DSG1: variants seen among roughly 807,000 people sequenced by gnomAD.
DSG1 encodes desmoglein-1.
A neutral mutation model predicts 97.5 loss-of-function variants in DSG1; 39 were observed. The observed-to-expected ratio is 0.40, with a 90% CI of 0.31 to 0.52. The LOEUF (loss-of-function observed/expected upper bound fraction) is 0.52, where lower values mean the gene tolerates loss of function less well. DSG1 is among the 20% of genes least tolerant of loss of function. The pLI is 0.53. For missense variants in DSG1, 1,311 were observed against 1,295.4 expected (o/e 1.01, Z -0.18); for synonymous variants, 475 against 443.4 (o/e 1.07, Z -0.90).
chr18:31,320,121 A>G (rs545148863), intron 1 of DSG1, among the ~76,000 whole-genome samples: 1 of 152,130 alleles, frequency 6.6e-6, no homozygotes, highest in African/African-American at 2.4e-5. Context: ...ATTTATTTTA[A>G]GTACAGATTT....
chr18:31,355,249 C>T lies in DSG1; in HGVS notation c.3053C>T (p.Ser1018Phe). ...GCCAGCATTGGCCACATGAGGAGTT[C>T]CTCTGACCATCACTTTAACCAAACC... Reference protein sequence around the residue: ...GTASIGHMRSSSDHHFNQTIG... With the variant: ...GTASIGHMRSFSDHHFNQTIG... Residue 1018 changes from serine to phenylalanine, a missense_variant, in exon 15 of 15, where the codon TCC becomes TTC. This residue lies in a region of DSG1 where 1,038 missense variants were observed against 964.6 expected (regional missense o/e 1.08). Transcript: ENST00000257192. 1 of 1,611,390 alleles carries T rather than the reference C, an allele frequency of 6.2e-7. No individual in the cohort carries two copies. Among genetic ancestry groups the T allele is most frequent in the Non-Finnish European group, 8.5e-7 (1 of 1,178,184 alleles).
Position 31,354,993 on chromosome 18 carries a change from A to G in DSG1, c.2797A>G (p.Met933Val). Residue 933 changes from methionine to valine, a missense_variant, in exon 15 of 15, where the codon ATG becomes GTG. Transcript: ENST00000257192. ...AAGAGTAATCCAACCAACTTCCGGCATGATAGGTAGTCTGAGTATGCACCC... is the reference window on the plus strand; with the variant it reads ...AAGAGTAATCCAACCAACTTCCGGCGTGATAGGTAGTCTGAGTATGCACCC... Reference protein sequence around the residue: ...TERVIQPTSGMIGSLSMHPEL... With the variant: ...TERVIQPTSGVIGSLSMHPEL... 6.2e-7 allele frequency: 1 copy of G among 1,614,228 alleles called. No homozygotes were observed. Among genetic ancestry groups the G allele is most frequent in the Non-Finnish European group, 8.5e-7 (1 of 1,180,036 alleles).
chr18:31,321,696 G>C (rs1169352010), intron 1 of DSG1, among the ~76,000 whole-genome samples: 9 of 152,142 alleles, frequency 5.9e-5, no homozygotes, highest in African/African-American at 2.2e-4. Context: ...AGAAACTAAA[G>C]CACTGAAGAA....
chr18:31,328,333 C>T lies in DSG1; in HGVS notation c.361C>T (p.Pro121Ser). 1 of 1,612,868 alleles carries T rather than the reference C, an allele frequency of 6.2e-7. No homozygotes were observed. Among genetic ancestry groups the T allele is most frequent in the South Asian group, 1.1e-5 (1 of 91,050 alleles). ...ATCCATAGTTGATCGAGAGGTCACT[C>T]CTTTCTTCATTGTAAGTGGACTTCA... is the stretch of plus-strand genomic sequence containing the variant. ...ITSIVDREVT[P>S]FFIIYCRALN... is the part of the protein sequence containing the mutation. The change falls in exon 4 of 15, where the codon CCT becomes TCT. Residue 121 changes from proline to serine, a missense_variant. Pro to Ser is a moderately conservative substitution (Grantham distance 74). Transcript: ENST00000257192.
chr18:31,343,602 G>C lies in DSG1; in HGVS notation c.1821+19G>C. 1 of 1,614,094 alleles carries C rather than the reference G, an allele frequency of 6.2e-7. No individual in the cohort carries two copies. Among genetic ancestry groups the C allele is most frequent in the Non-Finnish European group, 8.5e-7 (1 of 1,179,994 alleles). On this transcript the variant is annotated intron_variant, in intron 12 of 14. Transcript: ENST00000257192. ...ACCCAGGGTAAGTGCCACATTCTAA[G>C]AAATAGCCGTTGGTAGTCACTGAAA...
chr18:31,348,623 A>G (rs2071864951), intron 14 of DSG1, among the ~76,000 whole-genome samples: 1 of 151,530 alleles, frequency 6.6e-6, no homozygotes, highest in Non-Finnish European at 1.5e-5. Flanking sequence ...CGTCCTCCCC[A>G]GCACCTGTTG....
At chr18:31,327,643 C>A (rs187549967) in intron 3 of DSG1, among the ~76,000 whole-genome samples, 16 of 152,252 alleles carry the variant, frequency 1.1e-4, no homozygotes, top group African/African-American at 3.6e-4. Flanking sequence ...CATTTATTCG[C>A]GTGGTCTCCT....
At chr18:31,320,687 C>G (rs567983307) in intron 1 of DSG1, among the ~76,000 whole-genome samples, 4 of 152,292 alleles carry the variant, frequency 2.6e-5, no homozygotes, top group African/African-American at 9.6e-5. Flanking sequence ...TTTCATTCTT[C>G]TTTTTGTTTC....
In DSG1 at chr18:31,339,679, G is replaced by T; in HGVS notation, c.1406-65G>T. The T allele has an allele frequency of 4.8e-6, 6 of 1,261,324 alleles. No individual in the cohort carries two copies. In the Middle Eastern group the frequency reaches 8.2e-4, roughly 172 times the overall value. 78.1% of individuals were successfully genotyped at this position (1,261,324 alleles called of 1,614,324 possible). On this transcript the variant is annotated intron_variant, in intron 10 of 14. Coordinates refer to ENST00000257192, the MANE Select transcript of DSG1 (RefSeq NM_001942.4). Reference sequence around the variant, plus strand: ...AAATGTTAATGTAAAAAATAATTCTGTGTTGTCCAACCATTCCTACACTAA... The same window carrying T: ...AAATGTTAATGTAAAAAATAATTCTTTGTTGTCCAACCATTCCTACACTAA...
intron 1 of DSG1, among the ~76,000 whole-genome samples, chr18:31,318,687 C>T (rs975022905): frequency 6.6e-6 from 1 of 151,378 alleles, no homozygotes; most frequent in South Asian, 2.1e-4. Flanking sequence ...GGCTTTTAAA[C>T]TAAATATCAC....
chr18:31,340,827 A>G (rs932503335), intron 11 of DSG1, among the ~76,000 whole-genome samples: 1 of 152,250 alleles, frequency 6.6e-6, no homozygotes, highest in African/African-American at 2.4e-5. Context: ...TTTTATTTAT[A>G]CTAACACTGC....
rs1353010598 is a variant in DSG1, at chr18:31,343,467, A to T, written c.1705A>T (p.Ile569Phe). The change falls in exon 12 of 15, where the codon ATC becomes TTC. Residue 569 changes from isoleucine (I) to phenylalanine (F), a missense_variant. Physicochemically the swap from Ile to Phe is conservative, Grantham distance 21. Transcript: ENST00000257192. ...LVLGLVPFLM[I>F]CCDCGGAPRS... ...ACCACCAGTGGTCCCATTTTTGATG[A>T]TCTGTTGTGATTGTGGAGGTGCTCC... The T allele has an allele frequency of 6.2e-7, 1 of 1,614,144 alleles. No homozygotes were observed. The highest frequency in any genetic ancestry group is 1.3e-5 in the African/African-American group (1 of 75,036).
Position 31,326,618 on chromosome 18 carries a change from T to A in DSG1, c.84+2T>A. 6.2e-7 allele frequency: 1 copy of A among 1,602,204 alleles called. No homozygotes were observed. The highest frequency in any genetic ancestry group is 8.5e-7 in the Non-Finnish European group (1 of 1,169,824). ...GTTAACAGTGAATTCCGAATCCAGGTAATATATAACAAATCCATTTTTCCA... is the reference window on the plus strand; with the variant it reads ...GTTAACAGTGAATTCCGAATCCAGGAAATATATAACAAATCCATTTTTCCA... On this transcript the variant is annotated splice_donor_variant, in intron 2 of 14. Transcript: ENST00000257192. LOFTEE classifies it high-confidence loss of function.
intron 9 of DSG1, 146 bp downstream of exon 9, chr18:31,336,759 C>T (rs932787961): frequency 1.5e-5 from 13 of 880,352 alleles, no homozygotes; most frequent in Admixed American, 8.3e-5. Flanking sequence ...ATAAACTGTG[C>T]ATTTAAAATG....
rs2071972294 is a variant in DSG1, at chr18:31,357,873, A to T, written c.*2527A>T. Among the ~76,000 whole-genome samples, 1 of 152,008 alleles carries T rather than the reference A, an allele frequency of 6.6e-6. No homozygotes were observed. Among genetic ancestry groups the T allele is most frequent in the Non-Finnish European group, 1.5e-5 (1 of 67,882 alleles). On this transcript the variant is annotated 3_prime_UTR_variant, in exon 15 of 15. Coordinates refer to ENST00000257192, the MANE Select transcript of DSG1 (RefSeq NM_001942.4). The stretch of plus-strand genomic sequence containing the variant: ...CTAATTTTTTCTTCCAGGATTGCAC[A>T]CTGATTTTCCATTTAGTCCTAAATT...
At chr18:31,336,289 G>A in intron 8 of DSG1, 65 bp from the exon 9 acceptor site, 1 of 1,471,292 alleles carries the variant, frequency 6.8e-7, no homozygotes, top group East Asian at 2.3e-5. Context: ...ATTATCAAAG[G>A]ATTTTCTTTC....
At chr18:31,343,196 G>A (rs928050300) in intron 11 of DSG1, among the ~76,000 whole-genome samples, 1 of 152,052 alleles carries the variant, frequency 6.6e-6, no homozygotes, top group Admixed American at 6.6e-5. Context: ...ACAGGTGTGA[G>A]CCACCATGCC....
chr18:31,325,014 C>A (rs1281943278), intron 1 of DSG1, among the ~76,000 whole-genome samples: 1 of 152,158 alleles, frequency 6.6e-6, no homozygotes. Flanking sequence ...TGGGGAAATA[C>A]GTTGAAGATT....
In DSG1 at chr18:31,339,915, A is replaced by G; in HGVS notation, c.1577A>G (p.Gln526Arg). 1 of 1,614,056 alleles carries G rather than the reference A, an allele frequency of 6.2e-7. No individual in the cohort carries two copies. The highest frequency in any genetic ancestry group is 1.1e-5 in the South Asian group (1 of 91,080). ...AGCACAACTTCTACTGACTCTAGCC[A>G]AGTATATTCTTCTGAACCCGGAAAC... ...DTSTTSTDSS[Q>R]VYSSEPGNGA... The change falls in exon 11 of 15, where the codon CAA (glutamine) becomes CGA (arginine). Residue 526 changes from glutamine (Q) to arginine (R), a missense_variant. Around this residue, in one of 3 missense-constraint regions of DSG1, gnomAD observed 1,038 missense variants for 964.6 expected, o/e 1.08. Transcript: ENST00000257192.
Sources: allele counts gnomAD v4.1 joint callset (sites outside exome capture counted in the v4.1 genomes callset), GRCh38; gene constraint gnomAD v4.1.1; regional missense constraint gnomAD v4.1.1; transcripts MANE v1.5; gene names NCBI Gene and HGNC (gene_info 2026-07-23, HGNC 2026-07-21).